The following SLIT3 variants were observed in gnomAD, a reference collection of about 807,000 sequenced individuals.
SLIT3 encodes slit homolog 3 protein.
Under a neutral mutation model 184.0 loss-of-function variants are expected in SLIT3, and 68 were observed. That is an observed-to-expected ratio of 0.37 (90% confidence interval 0.30 to 0.45). The LOEUF (loss-of-function observed/expected upper bound fraction) is 0.45, where lower values mean the gene tolerates loss of function less well. Ranked by LOEUF, SLIT3 falls within the 20% of genes least tolerant of loss-of-function variation. The pLI is 1.00. For synonymous variants in SLIT3, 831 were observed against 828.6 expected (o/e 1.00, Z -0.05); for missense variants, 1,707 against 2,026.0 (o/e 0.84, Z 3.02).
intron 4 of SLIT3, among the ~76,000 whole-genome samples, chr5:169,187,942 C>G (rs1300136580): frequency 6.6e-6 from 1 of 151,876 alleles, no homozygotes; most frequent in Admixed American, 6.6e-5. Flanking sequence ...GCTCTCACAT[C>G]TGGTAAAAGA....
chr5:168,867,288 G>A (rs1289873444), intron 5 of SLIT3, among the ~76,000 whole-genome samples: 1 of 152,190 alleles, frequency 6.6e-6, no homozygotes, highest in Non-Finnish European at 1.5e-5. Context: ...GCCGGGGAAG[G>A]GAACTGTAGG....
chr5:168,906,728 A>T (rs964848155), intron 4 of SLIT3, among the ~76,000 whole-genome samples: 1 of 152,200 alleles, frequency 6.6e-6, no homozygotes, highest in African/African-American at 2.4e-5. Flanking sequence ...CTGCATTTTA[A>T]ATCATTTTAA....
At chr5:169,187,684 G>C (rs1044380177) in intron 4 of SLIT3, among the ~76,000 whole-genome samples, 2 of 151,484 alleles carry the variant, frequency 1.3e-5, no homozygotes, top group Non-Finnish European at 2.9e-5. Context: ...CTCCGGAATA[G>C]CTGGGATGAC....
At chr5:169,203,351 G>GCACACACACACACACACACA (rs36206656) in intron 3 of SLIT3, among the ~76,000 whole-genome samples, 2 of 147,424 alleles carry the variant, frequency 1.4e-5, no homozygotes, top group African/African-American at 5.0e-5. Context: ...ATGTGAATGT[G>GCACACACACACACACACACA]CACACACACA....
chr5:169,063,161 C>T (rs1014851086), intron 4 of SLIT3, among the ~76,000 whole-genome samples: 1 of 152,106 alleles, frequency 6.6e-6, no homozygotes, highest in Non-Finnish European at 1.5e-5. Context: ...GCCAATTGAG[C>T]CCCCGTGCCA....
intron 4 of SLIT3, among the ~76,000 whole-genome samples, chr5:168,913,482 A>G (rs1449754547): frequency 1.3e-5 from 2 of 152,202 alleles, no homozygotes; most frequent in Non-Finnish European, 2.9e-5. Context: ...TTAAAAAATA[A>G]TCTGGCTGGG....
chr5:168,742,262 TCTTTCTACCA>T (rs1340845004), intron 20 of SLIT3, among the ~76,000 whole-genome samples: 14 of 150,134 alleles, frequency 9.3e-5, no homozygotes, highest in African/African-American at 3.2e-4. Flanking sequence ...AGCCCAGTGC[TCTTTCTACCA>T]CATTCTACCT....
Position 168,899,501 on chromosome 5 carries a change from G to A in SLIT3, c.414-16165C>T, listed in dbSNP as rs139990032. On this transcript the variant is annotated intron_variant, in intron 4 of 35. Transcript: ENST00000519560. ...TGCACTCCAGCCTGGGTGACAGAGCGAGATCCTGCCTCTTAAAAAAAAGCC... is the reference window on the plus strand; with the variant it reads ...TGCACTCCAGCCTGGGTGACAGAGCAAGATCCTGCCTCTTAAAAAAAAGCC... Among the ~76,000 whole-genome samples the A allele has an allele frequency of 4.2e-3, 642 of 152,150 alleles. 4 individuals are homozygous for A. Among genetic ancestry groups the A allele is most frequent in the African/African-American group, 0.015 (606 of 41,486 alleles).
intron 4 of SLIT3, among the ~76,000 whole-genome samples, chr5:168,946,338 GAC>G (rs1422917036): frequency 1.3e-5 from 2 of 152,166 alleles, no homozygotes; most frequent in African/African-American, 4.8e-5. Flanking sequence ...GGACCTACAG[GAC>G]CAGAGAGCCT....
chr5:168,995,604 A>G (rs1421709586), intron 4 of SLIT3: 1 of 152,238 alleles, frequency 6.6e-6, no homozygotes, highest in Non-Finnish European at 1.5e-5. Flanking sequence ...CATCAGTATC[A>G]AGAAGGTTCT....
intron 5 of SLIT3, among the ~76,000 whole-genome samples, chr5:168,878,426 T>A (rs139774028): frequency 4.6e-4 from 70 of 152,338 alleles, no homozygotes; most frequent in Non-Finnish European, 8.7e-4. Flanking sequence ...TTCTCTGGGC[T>A]CTGATAAAAG....
chr5:169,098,047 T>C (rs972359673), intron 4 of SLIT3, among the ~76,000 whole-genome samples: 2 of 152,142 alleles, frequency 1.3e-5, no homozygotes, highest in African/African-American at 4.8e-5. Flanking sequence ...TCAGAAAGGA[T>C]GCCCAGAGCA....
At chr5:169,195,638 C>T (rs1289306955) in intron 3 of SLIT3, among the ~76,000 whole-genome samples, 1 of 152,138 alleles carries the variant, frequency 6.6e-6, no homozygotes, top group Admixed American at 6.5e-5. Flanking sequence ...GTGATTCCCC[C>T]ACCTCCGCCT....
At chr5:168,902,537 G>A (rs554809922) in intron 4 of SLIT3, among the ~76,000 whole-genome samples, 34 of 152,314 alleles carry the variant, frequency 2.2e-4, no homozygotes, top group African/African-American at 7.9e-4. Context: ...GGAAGGGTGT[G>A]TGTTAGTGGG....
chr5:169,297,508 G>A (rs945778746), intron 1 of SLIT3, among the ~76,000 whole-genome samples: 1 of 152,074 alleles, frequency 6.6e-6, no homozygotes, highest in Non-Finnish European at 1.5e-5. Context: ...CTTCATCAAA[G>A]CCTTTTTGGG....
intron 23 of SLIT3, among the ~76,000 whole-genome samples, chr5:168,715,022 A>G (rs1262986529): frequency 6.6e-6 from 1 of 152,188 alleles, no homozygotes; most frequent in African/African-American, 2.4e-5. Context: ...TACAATAAAC[A>G]GTGGGAACTA....
At chr5:169,077,714 C>A (rs143181571) in intron 4 of SLIT3, among the ~76,000 whole-genome samples, 1 of 151,926 alleles carries the variant, frequency 6.6e-6, no homozygotes, top group African/African-American at 2.4e-5. Context: ...CACCCCAAAC[C>A]CCTGTGTTGT....
At position 169,300,694 on chromosome 5, in the gene SLIT3, C is replaced by T. The variant is rs1188778214; in HGVS notation, c.16G>A (p.Ala6Thr). 7.3e-7 allele frequency: 1 copy of T among 1,372,692 alleles called. No homozygotes were observed. Among genetic ancestry groups the T allele is most frequent in the African/African-American group, 1.5e-5 (1 of 65,602 alleles). 85.0% of individuals were successfully genotyped at this position (1,372,692 alleles called of 1,614,324 possible). ...GCGCGCACGGCGGCGCCGACCCCTG[C>T]CCACCCGGGGGCCATGGTGTGCAGG... The part of the protein sequence containing the change: MAPGW[A>T]GVGAAVRARL... Residue 6 changes from alanine to threonine, a missense_variant, in exon 1 of 36, where the codon GCA becomes ACA. Physicochemically the swap from Ala to Thr is moderately conservative, Grantham distance 58 (BLOSUM62 0). Around this residue, in one of 3 missense-constraint regions of SLIT3, gnomAD observed 1,307 missense variants for 1,511.6 expected, o/e 0.86. Transcript: ENST00000519560. The surrounding 1 kb of genome is among the most constrained non-coding windows in gnomAD (Gnocchi z 4.1).
chr5:169,201,717 A>G (rs1049921628), intron 3 of SLIT3, among the ~76,000 whole-genome samples: 7 of 152,202 alleles, frequency 4.6e-5, no homozygotes, highest in African/African-American at 7.2e-5. Flanking sequence ...TGTGGCCTCC[A>G]AGGCTGCTGT....
Sources: gnomAD v4.1 joint callset for allele counts (sites outside exome capture counted in the v4.1 genomes callset) on GRCh38, gnomAD v4.1.1 for gene constraint, gnomAD v4.1.1 regional missense constraint, Gnocchi (gnomAD v3.1) non-coding constraint, MANE v1.5 for transcripts, NCBI Gene and HGNC (gene_info 2026-07-23, HGNC 2026-07-21) for gene names.